FRY: variants seen among roughly 807,000 people sequenced by gnomAD.
FRY encodes FRY microtubule binding protein.
Under a neutral mutation model 348.4 loss-of-function variants are expected in FRY, and 128 were observed. The ratio of observed to expected loss-of-function variants is 0.37; its 90% CI spans 0.32 to 0.43. The LOEUF is 0.43. Among genes scored for constraint, FRY ranks in the 20% least tolerant of loss-of-function variants. The pLI is 1.00. For missense variants in FRY, 2,736 were observed against 3,695.2 expected, an observed-to-expected ratio of 0.74 and a Z score of 6.73; for synonymous variants, 1,370 against 1,374.7, an observed-to-expected ratio of 1.00 and a Z score of 0.08.
intron 56 of FRY, among the ~76,000 whole-genome samples, chr13:32,275,367 G>C (rs749698930): frequency 5.3e-5 from 8 of 152,058 alleles, no homozygotes; most frequent in African/African-American, 1.9e-4. Context: ...CAGCCTGGGC[G>C]ACAGAGCGAG....
chr13:32,226,351 G>A (rs1885582031), intron 39 of FRY, among the ~76,000 whole-genome samples: 1 of 152,206 alleles, frequency 6.6e-6, no homozygotes, highest in Non-Finnish European at 1.5e-5. Context: ...CACAGCCAAG[G>A]TGCCGGATGT....
chr13:32,257,593 A>T (rs1465858869), intron 51 of FRY, among the ~76,000 whole-genome samples: 1 of 152,192 alleles, frequency 6.6e-6, no homozygotes, highest in Non-Finnish European at 1.5e-5. Flanking sequence ...GATGACCCTC[A>T]TTCATGTTTC....
At chr13:32,137,067 G>A in intron 11 of FRY, 95 bp downstream of exon 11, 1 of 773,594 alleles carries the variant, frequency 1.3e-6, no homozygotes. Context: ...CCTGATGTTT[G>A]CCAGGGGAAT....
intron 44 of FRY, among the ~76,000 whole-genome samples, chr13:32,238,255 C>T (rs1386295572): frequency 1.3e-5 from 2 of 151,974 alleles, no homozygotes; most frequent in Non-Finnish European, 1.5e-5. Context: ...GATCAAACTG[C>T]AGGTGCTGTT....
intron 34 of FRY, among the ~76,000 whole-genome samples, chr13:32,211,990 G>T (rs1037904405): frequency 1.3e-5 from 2 of 152,312 alleles, no homozygotes; most frequent in African/African-American, 4.8e-5. Flanking sequence ...CAACAGCAGG[G>T]CCAGCCACTA....
chr13:32,161,427 C>A (rs1881438296), intron 17 of FRY, among the ~76,000 whole-genome samples, 176 bp downstream of exon 17: 1 of 152,128 alleles, frequency 6.6e-6, no homozygotes. Context: ...GGTTTAAAAT[C>A]CAACTTAGAA....
At chr13:32,193,340 A>C in intron 28 of FRY, among the ~76,000 whole-genome samples, 1 of 151,912 alleles carries the variant, frequency 6.6e-6, no homozygotes, top group Middle Eastern at 3.2e-3. Context: ...GAGACTTTGT[A>C]GTAGGAATAG....
rs1161711011 is a variant in FRY, at chr13:32,208,908, C to T, written c.4074C>T (p.Thr1358=). ...THPNGRQIML[T]YLLPWLHNIE... is the part of the protein sequence containing the mutation. ...CCAACGGGCGCCAGATCATGCTTAC[C>T]TACCTGCTGCCCTGGCTGCACAACA... is the stretch of plus-strand genomic sequence containing the variant. The change falls in exon 32 of 61, where the codon ACC becomes ACT. Residue 1358 remains threonine (T), a synonymous_variant. Coordinates refer to ENST00000542859, the MANE Select transcript of FRY (RefSeq NM_023037.3). 8.1e-6 allele frequency: 13 copies of T among 1,614,072 alleles called. No individual in the cohort carries two copies. Among genetic ancestry groups the T allele is most frequent in the East Asian group, 2.2e-5 (1 of 44,898 alleles).
chr13:32,077,355 A>G (rs942262065), intron 1 of FRY, among the ~76,000 whole-genome samples: 3 of 152,218 alleles, frequency 2.0e-5, no homozygotes, highest in Non-Finnish European at 4.4e-5. Context: ...TATTAAAATA[A>G]TCTAGCCATA....
In FRY at chr13:32,147,400, G is replaced by A; in HGVS notation, c.1283+15G>A. Reference sequence around the variant, plus strand: ...GCTACTCAGAGGTAAGATTTGGCTTGTGTCAATGGTAACCATATCACTCAG... The same window carrying A: ...GCTACTCAGAGGTAAGATTTGGCTTATGTCAATGGTAACCATATCACTCAG... On this transcript the variant is annotated intron_variant, in intron 12 of 60. Transcript: ENST00000542859. 7.0e-7 allele frequency: 1 copy of A among 1,419,870 alleles called. No individual in the cohort carries two copies. The highest frequency in any genetic ancestry group is 1.0e-6 in the Non-Finnish European group (1 of 1,002,916). The allele number at this position is 1,419,870 out of a possible 1,614,324, so 88.0% of individuals were successfully genotyped here.
intron 1 of FRY, among the ~76,000 whole-genome samples, chr13:32,060,366 G>A (rs556840951): frequency 6.6e-6 from 1 of 152,228 alleles, no homozygotes; most frequent in Non-Finnish European, 1.5e-5. Context: ...AGTCAGTTTA[G>A]GCTGTGTCTT....
At chr13:32,103,480 G>A (rs1329415399) in intron 3 of FRY, among the ~76,000 whole-genome samples, 2 of 152,182 alleles carry the variant, frequency 1.3e-5, no homozygotes, top group Non-Finnish European at 2.9e-5. Flanking sequence ...CACAGGAAGG[G>A]GAACATCACA....
In FRY at chr13:32,096,307, A is replaced by AT. The variant is rs1396345479; in HGVS notation, c.271-5655dup. ...ATAGTCAGCCATTTAACACACCCTG[A>AT]TAACTTCCAACTGTGTACTAGGGGT... On this transcript the variant is annotated intron_variant, in intron 2 of 60. Transcript: ENST00000542859. 9.9e-5 allele frequency among the ~76,000 whole-genome samples: 15 copies of AT among 152,224 alleles called. No individual in the cohort carries two copies. The East Asian group carries it at 2.9e-3, about 29-fold the overall frequency.
At chr13:32,200,537 T>C (rs1236132594) in intron 29 of FRY, among the ~76,000 whole-genome samples, 2 of 152,070 alleles carry the variant, frequency 1.3e-5, no homozygotes, top group African/African-American at 4.8e-5. Flanking sequence ...CAGTGAGCCA[T>C]GATCATGCCA....
chr13:32,163,473 C>T lies in FRY; in HGVS notation c.1892+2222C>T, dbSNP rs189093656. Among the ~76,000 whole-genome samples the T allele has an allele frequency of 2.2e-4, 33 of 152,204 alleles. No homozygotes were observed. The East Asian group carries it at 6.0e-3, about 28-fold the overall frequency. ...GAGACTGCCTACCTCAGGACTGTTG[C>T]GAGGGCTAGATGACAAGACATGTGG... On this transcript the variant is annotated intron_variant, in intron 17 of 60. Coordinates refer to ENST00000542859, the MANE Select transcript of FRY (RefSeq NM_023037.3).
intron 1 of FRY, among the ~76,000 whole-genome samples, chr13:32,040,043 T>G (rs1161941694): frequency 2.0e-5 from 3 of 152,206 alleles, no homozygotes; most frequent in Non-Finnish European, 4.4e-5. Context: ...TAAATTTACA[T>G]TAAAAATTTT....
At chr13:32,249,446 T>C (rs1385385655) in intron 48 of FRY, 80 bp from the exon 49 acceptor site, 22 of 1,458,870 alleles carry the variant, frequency 1.5e-5, no homozygotes, top group Non-Finnish European at 2.0e-5. Context: ...TAAGCAGCTC[T>C]TGGTTGCTTC....
intron 58 of FRY, among the ~76,000 whole-genome samples, chr13:32,283,831 C>G (rs1888927907): frequency 6.6e-6 from 1 of 152,202 alleles, no homozygotes; most frequent in African/African-American, 2.4e-5. Flanking sequence ...TTTTCTCAGC[C>G]TGCACACATC....
chr13:32,091,914 C>T (rs1191127395), intron 2 of FRY, among the ~76,000 whole-genome samples: 1 of 152,140 alleles, frequency 6.6e-6, no homozygotes, highest in Non-Finnish European at 1.5e-5. Flanking sequence ...TTTCAAAGCC[C>T]ACACCCTTAA....
Sources: allele counts gnomAD v4.1 joint callset (sites outside exome capture counted in the v4.1 genomes callset), GRCh38; gene constraint gnomAD v4.1.1; transcripts MANE v1.5; gene names NCBI Gene and HGNC (gene_info 2026-07-23, HGNC 2026-07-21).